Variants in SLC35A1 observed in about 807,000 individuals in gnomAD.
SLC35A1 encodes the protein solute carrier family 35 member A1, also known as CMP-sialic acid transporter.
A neutral mutation model predicts 40.3 loss-of-function variants in SLC35A1; 21 were observed. That is an observed-to-expected ratio of 0.52 (90% CI 0.37 to 0.75). The LOEUF is 0.75. SLC35A1 is among the 30% of genes least tolerant of loss of function. The pLI, the probability that SLC35A1 is intolerant of heterozygous loss-of-function variation, is 0.00. For missense variants in SLC35A1, 297 were observed against 382.1 expected, an observed-to-expected ratio of 0.78 and a Z score of 1.86; for synonymous variants, 146 against 147.3, an observed-to-expected ratio of 0.99 and a Z score of 0.06.
At chr6:87,478,177 A>AG (rs1769130078) in intron 2 of SLC35A1, among the ~76,000 whole-genome samples, 1 of 152,228 alleles carries the variant, frequency 6.6e-6, no homozygotes, top group African/African-American at 2.4e-5. Context: ...GCTTTGAATC[A>AG]AAAACATCAT....
chr6:87,482,018 A>G (rs1218519622), intron 2 of SLC35A1, among the ~76,000 whole-genome samples: 1 of 152,134 alleles, frequency 6.6e-6, no homozygotes, highest in Non-Finnish European at 1.5e-5. Flanking sequence ...TTGCACATAA[A>G]CTGTTTCTTC....
At chr6:87,499,553 A>G (rs1442946196) in intron 2 of SLC35A1, among the ~76,000 whole-genome samples, 1 of 152,170 alleles carries the variant, frequency 6.6e-6, no homozygotes, top group Non-Finnish European at 1.5e-5. Context: ...AGTTAAGAGC[A>G]TGCATAATCA....
At chr6:87,477,341 T>G (rs1769105495) in intron 1 of SLC35A1, 21 bp from the exon 2 acceptor site, 1 of 1,603,398 alleles carries the variant, frequency 6.2e-7, no homozygotes, top group African/African-American at 1.3e-5. Context: ...AAGTAATGTC[T>G]TTGTTGCACG....
At position 87,511,978 on chromosome 6, in the gene SLC35A1, A is replaced by G. The variant is rs1461812370; in HGVS notation, c.*452A>G. The G allele has an allele frequency of 5.1e-6, 1 of 197,086 alleles. No individual in the cohort carries two copies. The highest frequency in any genetic ancestry group is 1.1e-5 in the Non-Finnish European group (1 of 94,196). The allele number at this position is 197,086 out of a possible 1,614,324, so 12.2% of individuals were successfully genotyped here. ...CAATTCATGTACAGTATTTTGTCCT[A>G]GCAGCATAAAGACCTAGCTCTTTTC... On this transcript the variant is annotated 3_prime_UTR_variant, in exon 8 of 8. Coordinates refer to ENST00000369552, the MANE Select transcript of SLC35A1 (RefSeq NM_006416.5).
intron 2 of SLC35A1, among the ~76,000 whole-genome samples, chr6:87,479,620 C>T (rs12665128): frequency 0.09 from 13,643 of 152,246 alleles, 642 homozygotes; most frequent in African/African-American, 0.12. Flanking sequence ...AATCATGATG[C>T]AAACTCCTCC....
At position 87,503,300 on chromosome 6, in the gene SLC35A1, C is replaced by T. The variant is rs539149755; in HGVS notation, c.507+1990C>T. Among the ~76,000 whole-genome samples the T allele has an allele frequency of 5.3e-5, 8 of 152,274 alleles. No individual in the cohort carries two copies. The East Asian group carries it at 7.7e-4, about 15-fold the overall frequency. ...CTGCAGTCAACTGAAGACTTGACTA[C>T]GGCTGGAGGATCTGTTTCTAACGTG... is the stretch of plus-strand genomic sequence containing the variant. On this transcript the variant is annotated intron_variant, in intron 4 of 7. Coordinates refer to ENST00000369552, the MANE Select transcript of SLC35A1 (RefSeq NM_006416.5).
chr6:87,487,010 C>A (rs1197286886), intron 2 of SLC35A1, among the ~76,000 whole-genome samples: 1 of 151,946 alleles, frequency 6.6e-6, no homozygotes, highest in Non-Finnish European at 1.5e-5. Context: ...AACCCCATCT[C>A]TACTAAAAAT....
At chr6:87,481,365 C>T (rs1356074878) in intron 2 of SLC35A1, among the ~76,000 whole-genome samples, 6 of 150,644 alleles carry the variant, frequency 4.0e-5, no homozygotes, top group African/African-American at 4.9e-5. Context: ...TGTGGTGAGC[C>T]GAGATCGCGC....
At chr6:87,487,500 C>A (rs1769422222) in intron 2 of SLC35A1, among the ~76,000 whole-genome samples, 1 of 152,116 alleles carries the variant, frequency 6.6e-6, no homozygotes, top group Non-Finnish European at 1.5e-5. Context: ...GTGTGTGCTT[C>A]AATCTAAAGA....
At chr6:87,484,258 A>G (rs942946435) in intron 2 of SLC35A1, among the ~76,000 whole-genome samples, 3 of 152,210 alleles carry the variant, frequency 2.0e-5, no homozygotes, top group Non-Finnish European at 4.4e-5. Context: ...CCTCCTCACA[A>G]GAGAGAACCA....
chr6:87,510,871 CAA>C (rs201786030), intron 7 of SLC35A1, among the ~76,000 whole-genome samples: 2 of 127,164 alleles, frequency 1.6e-5, no homozygotes, highest in African/African-American at 2.9e-5. Flanking sequence ...AACTCCGTCT[CAA>C]AAAAAAAAAA....
At chr6:87,491,853 T>G (rs1171852902) in intron 2 of SLC35A1, among the ~76,000 whole-genome samples, 1 of 152,212 alleles carries the variant, frequency 6.6e-6, no homozygotes, top group Non-Finnish European at 1.5e-5. Context: ...AATTCCATCA[T>G]GAGGACTCTA....
In SLC35A1 at chr6:87,501,147, CTT is replaced by C; in HGVS notation, c.355-4_355-3del. ...TTAACTGAATTTATTAATTCATTCT[CTT>C]TTTTTTAGGTGACCTACCAGTTGAA... On this transcript the variant is annotated splice_polypyrimidine_tract_variant and intron_variant, in intron 3 of 7. Coordinates refer to ENST00000369552, the MANE Select transcript of SLC35A1 (RefSeq NM_006416.5). 6.2e-7 allele frequency: 1 copy of C among 1,600,300 alleles called. No individual in the cohort carries two copies. Among genetic ancestry groups the C allele is most frequent in the Non-Finnish European group, 8.6e-7 (1 of 1,167,674 alleles).
intron 2 of SLC35A1, among the ~76,000 whole-genome samples, chr6:87,484,945 A>G (rs1474122254): frequency 6.6e-6 from 1 of 152,230 alleles, no homozygotes; most frequent in Admixed American, 6.5e-5. Flanking sequence ...AGCAAATCAA[A>G]GGGCCTAGAG....
At chr6:87,501,560 CCCCT>C (rs1399845076) in intron 4 of SLC35A1, among the ~76,000 whole-genome samples, 1 of 152,162 alleles carries the variant, frequency 6.6e-6, no homozygotes, top group Non-Finnish European at 1.5e-5. Flanking sequence ...TGTGTTCCAT[CCCCT>C]CCATTTTATG....
At chr6:87,481,346 G>T (rs1398400259) in intron 2 of SLC35A1, among the ~76,000 whole-genome samples, 5 of 151,922 alleles carry the variant, frequency 3.3e-5, no homozygotes, top group Non-Finnish European at 7.4e-5. Context: ...GAACCTGGGA[G>T]GCGGAGGTTG....
At chr6:87,511,221 C>T (rs1008377754) in intron 7 of SLC35A1, among the ~76,000 whole-genome samples, 178 bp from the exon 8 acceptor site, 2 of 152,044 alleles carry the variant, frequency 1.3e-5, no homozygotes, top group Non-Finnish European at 2.9e-5. Context: ...TTTTACCCGC[C>T]CTGCCTCCCC....
At chr6:87,481,483 GAGAAACTTCCTTT>G (rs1298019668) in intron 2 of SLC35A1, among the ~76,000 whole-genome samples, 3 of 151,554 alleles carry the variant, frequency 2.0e-5, no homozygotes, top group Admixed American at 1.3e-4. Context: ...CCTTCTTCCT[GAGAAACTTCCTTT>G]AGAAACTTCC....
chr6:87,495,366 C>G (rs1302279372), intron 2 of SLC35A1, among the ~76,000 whole-genome samples: 9 of 152,262 alleles, frequency 5.9e-5, no homozygotes, highest in Middle Eastern at 3.4e-3. Context: ...AGTAACAAAC[C>G]AAATATATCT....
Sources: gnomAD v4.1 joint callset for allele counts (sites outside exome capture counted in the v4.1 genomes callset) on GRCh38, gnomAD v4.1.1 for gene constraint, MANE v1.5 for transcripts, NCBI Gene and HGNC (gene_info 2026-07-23, HGNC 2026-07-21) for gene names.